YES1: variants seen among roughly 807,000 people sequenced by gnomAD.
YES1 encodes tyrosine-protein kinase Yes.
A neutral mutation model predicts 70.4 loss-of-function variants in YES1; 39 were observed. The ratio of observed to expected loss-of-function variants is 0.55; its 90% CI spans 0.43 to 0.72. YES1 has a LOEUF of 0.72. YES1 is among the 30% of genes least tolerant of loss of function. The pLI, the probability that YES1 is intolerant of heterozygous loss-of-function variation, is 0.00. For synonymous variants in YES1, 198 were observed against 218.6 expected (o/e 0.91, Z 0.83); for missense variants, 495 against 644.8 (o/e 0.77, Z 2.52).
At chr18:765,248 C>CTATATACATA (rs1904828808) in intron 1 of YES1, among the ~76,000 whole-genome samples, 1 of 91,488 alleles carries the variant, frequency 1.1e-5, no homozygotes, top group African/African-American at 3.8e-5. Context: ...AGAGTTACAA[C>CTATATACATA]TATATATATA....
intron 4 of YES1, among the ~76,000 whole-genome samples, chr18:747,717 G>T (rs2080297091): frequency 6.6e-6 from 1 of 152,112 alleles, no homozygotes. Flanking sequence ...AAATATGACT[G>T]ATGCAGATTC....
intron 2 of YES1, 118 bp downstream of exon 2, chr18:756,439 C>A: frequency 1.5e-6 from 2 of 1,315,070 alleles, no homozygotes; most frequent in East Asian, 2.4e-5. Context: ...TTTTCACATA[C>A]AATTATTTGA....
At chr18:772,092 G>A (rs768512920) in intron 1 of YES1, among the ~76,000 whole-genome samples, 9 of 151,846 alleles carry the variant, frequency 5.9e-5, no homozygotes, top group Non-Finnish European at 8.8e-5. Context: ...GCAATGCCAC[G>A]ATCTCGGCTC....
chr18:740,659 C>T (rs1282873766), intron 8 of YES1, among the ~76,000 whole-genome samples: 2 of 152,166 alleles, frequency 1.3e-5, no homozygotes, highest in South Asian at 2.1e-4. Flanking sequence ...TATAAAGGGA[C>T]AAGTGCTAAG....
At chr18:725,093 G>A (rs1051812369) in intron 11 of YES1, among the ~76,000 whole-genome samples, 1 of 152,136 alleles carries the variant, frequency 6.6e-6, no homozygotes, top group African/African-American at 2.4e-5. Flanking sequence ...AATTACTTCT[G>A]TGAAAGTTTC....
intron 1 of YES1, among the ~76,000 whole-genome samples, chr18:797,478 T>C (rs1471081543): frequency 6.7e-6 from 1 of 150,080 alleles, no homozygotes; most frequent in South Asian, 2.1e-4. Flanking sequence ...AAAACACAGG[T>C]AGAAAAGCAA....
intron 2 of YES1, among the ~76,000 whole-genome samples, chr18:752,936 CT>C (rs1331517866): frequency 6.6e-6 from 1 of 151,870 alleles, no homozygotes; most frequent in Non-Finnish European, 1.5e-5. Context: ...CAGCAAGACT[CT>C]GTATCAAAAA....
chr18:733,007 A>T lies in YES1; in HGVS notation c.1292-42T>A, dbSNP rs778947408. On this transcript the variant is annotated intron_variant, in intron 10 of 11. Transcript: ENST00000314574. The stretch of plus-strand genomic sequence containing the variant: ...CATCTTGCTTAATTGTTTTTTAAAA[A>T]TCTATTTGTGTAAACATAGCATATG... 3.1e-6 allele frequency: 5 copies of T among 1,606,622 alleles called. No individual in the cohort carries two copies. The South Asian group carries it at 5.5e-5, about 18-fold the overall frequency.
chr18:786,482 CATT>C (rs951573975), intron 1 of YES1, among the ~76,000 whole-genome samples: 13 of 136,978 alleles, frequency 9.5e-5, no homozygotes, highest in African/African-American at 3.3e-4. Flanking sequence ...TAAACATCAT[CATT>C]AATAAGTCCA....
chr18:785,488 G>C (rs1189852516), intron 1 of YES1, among the ~76,000 whole-genome samples: 5 of 152,152 alleles, frequency 3.3e-5, no homozygotes, highest in Non-Finnish European at 5.9e-5. Flanking sequence ...GAAGGAGAGA[G>C]AAGCACTATA....
At chr18:766,929 G>C (rs560821852) in intron 1 of YES1, among the ~76,000 whole-genome samples, 1 of 152,178 alleles carries the variant, frequency 6.6e-6, no homozygotes, top group South Asian at 2.1e-4. Context: ...GGTTGCCTTT[G>C]CATTTCCATA....
chr18:802,963 C>T (rs1199607351), intron 1 of YES1, among the ~76,000 whole-genome samples: 1 of 152,078 alleles, frequency 6.6e-6, no homozygotes, highest in Admixed American at 6.5e-5. Flanking sequence ...CATGGTGGCT[C>T]ACACCTGTTT....
At chr18:726,184 G>A (rs1264056017) in intron 11 of YES1, among the ~76,000 whole-genome samples, 1 of 152,142 alleles carries the variant, frequency 6.6e-6, no homozygotes, top group Non-Finnish European at 1.5e-5. Flanking sequence ...CCAGCACTTT[G>A]GGAGGCCGAG....
intron 1 of YES1, among the ~76,000 whole-genome samples, chr18:788,209 T>C (rs1333424512): frequency 1.3e-5 from 2 of 152,226 alleles, no homozygotes; most frequent in African/African-American, 2.4e-5. Flanking sequence ...ATAAAGCTGT[T>C]ATATTAAAAA....
At chr18:790,465 CT>C (rs1222729535) in intron 1 of YES1, among the ~76,000 whole-genome samples, 2 of 152,118 alleles carry the variant, frequency 1.3e-5, no homozygotes, top group Admixed American at 6.6e-5. Flanking sequence ...ATTACCTTTT[CT>C]TTTAATTTCC....
rs1491173141 is a variant in YES1, at chr18:795,911, A to AC, written c.-9+16202_-9+16203insG. On this transcript the variant is annotated intron_variant, in intron 1 of 11. Coordinates refer to ENST00000314574, the MANE Select transcript of YES1 (RefSeq NM_005433.4). ...GTTCAGCACATGTATCCCAGAACTTAAACACACACACACACACACACACAC... is the reference window on the plus strand; with the variant it reads ...GTTCAGCACATGTATCCCAGAACTTACAACACACACACACACACACACACAC... Among the ~76,000 whole-genome samples the AC allele has an allele frequency of 5.1e-5, 7 of 137,046 alleles. No homozygotes were observed. The East Asian group carries it at 1.4e-3, about 27-fold the overall frequency. 89.9% of individuals were successfully genotyped at this position (137,046 alleles called of 152,430 possible). A position where few individuals can be genotyped will look rare whatever the true frequency, so the allele number is the denominator to read the frequency against.
At position 749,577 on chromosome 18, in the gene YES1, T is replaced by C. The variant is rs566071306; in HGVS notation, c.372-1559A>G. Among the ~76,000 whole-genome samples, 19 of 148,890 alleles carry C rather than the reference T, an allele frequency of 1.3e-4. 1 individual carries two copies. The highest frequency in any genetic ancestry group is 1.1e-3 in the South Asian group (5 of 4,664). On this transcript the variant is annotated intron_variant, in intron 3 of 11. Transcript: ENST00000314574. ...CTTATAAAAATGTTATCTAGAAGGC[T>C]GGGCGCGGTGGCTCACGCCTGTAAT...
At chr18:759,809 A>AT (rs1904487926) in intron 1 of YES1, among the ~76,000 whole-genome samples, 1 of 151,904 alleles carries the variant, frequency 6.6e-6, no homozygotes, top group Non-Finnish European at 1.5e-5. Context: ...TGCTGCACCC[A>AT]TTAACTCGTC....
Position 728,815 on chromosome 18 carries a change from C to T in YES1, c.1423+4019G>A, listed in dbSNP as rs544359474. On this transcript the variant is annotated intron_variant, in intron 11 of 11. Coordinates refer to ENST00000314574, the MANE Select transcript of YES1 (RefSeq NM_005433.4). ...CTGGGATTACAGGCCTGAGCCACTG[C>T]GCCCAGCTGCATTTCGGATTTTTGA... Among the ~76,000 whole-genome samples the T allele has an allele frequency of 1.9e-3, 286 of 152,314 alleles. 1 individual carries two copies. Among genetic ancestry groups the T allele is most frequent in the African/African-American group, 6.5e-3 (270 of 41,576 alleles).
Sources: allele counts gnomAD v4.1 joint callset (sites outside exome capture counted in the v4.1 genomes callset), GRCh38; gene constraint gnomAD v4.1.1; transcripts MANE v1.5; gene names NCBI Gene and HGNC (gene_info 2026-07-23, HGNC 2026-07-21).